Variants in SRD5A2 observed in about 807,000 individuals in gnomAD.
SRD5A2 encodes steroid 5 alpha-reductase 2, also known as 3-oxo-5-alpha-steroid 4-dehydrogenase 2.
In SRD5A2, 30 loss-of-function variants were observed where a neutral mutation model predicts 27.4. The observed-to-expected ratio is 1.10, with a 90% confidence interval of 0.82 to 1.49. The LOEUF (loss-of-function observed/expected upper bound fraction) is 1.49, where lower values mean the gene tolerates loss of function less well. SRD5A2 is among the 40% of genes most tolerant of loss of function. The pLI, the probability that SRD5A2 is intolerant of heterozygous loss-of-function variation, is 0.00. For missense variants in SRD5A2, 348 were observed against 323.4 expected (o/e 1.08, Z -0.58); for synonymous variants, 141 against 133.6 (o/e 1.06, Z -0.38).
rs920583081 is a variant in SRD5A2 at position 31,578,348 on chromosome 2, A to T, written c.281+2272T>A. Among the ~76,000 whole-genome samples, 13 of 68,486 alleles carry T rather than the reference A, an allele frequency of 1.9e-4. No homozygotes were observed. The Admixed American group carries it at 2.2e-3, about 12-fold the overall frequency. The allele number at this position is 68,486 out of a possible 152,430, so 44.9% of individuals were successfully genotyped here. A position where few individuals can be genotyped will look rare whatever the true frequency, so the allele number is the denominator to read the frequency against. On this transcript the variant is annotated intron_variant, in intron 1 of 4. Coordinates refer to ENST00000622030, the MANE Select transcript of SRD5A2 (RefSeq NM_000348.4). ...CAACAGTTTATTATCATACCTGAAG[A>T]GCCTGAGATCTGGAGTCTACTGCCT...
the SRD5A2 span, among the ~76,000 whole-genome samples, chr2:31,616,780 G>A: frequency 6.6e-6 from 1 of 152,180 alleles, no homozygotes; most frequent in Non-Finnish European, 1.5e-5. Flanking sequence ...AGACTTTGGG[G>A]GGCTGTTGGG....
At chr2:31,608,958 A>C in the SRD5A2 span, among the ~76,000 whole-genome samples, 2 of 152,096 alleles carry the variant, frequency 1.3e-5, no homozygotes, top group African/African-American at 4.8e-5. Context: ...TAAGATCATA[A>C]GAGTAGAGCC....
At chr2:31,638,702 TG>T in the SRD5A2 span, among the ~76,000 whole-genome samples, 1 of 152,080 alleles carries the variant, frequency 6.6e-6, no homozygotes, top group Non-Finnish European at 1.5e-5. Context: ...TTATAGTCTC[TG>T]ATTTGTAGTC....
chr2:31,621,788 C>T, the SRD5A2 span, among the ~76,000 whole-genome samples: 1 of 151,936 alleles, frequency 6.6e-6, no homozygotes, highest in Non-Finnish European at 1.5e-5. Context: ...AGGTATATAC[C>T]ACCACCCCTG....
chr2:31,624,520 C>T, the SRD5A2 span, among the ~76,000 whole-genome samples: 7 of 151,990 alleles, frequency 4.6e-5, no homozygotes, highest in African/African-American at 1.5e-4. Context: ...CCTCTCCCCC[C>T]ACCCCACACA....
the SRD5A2 span, among the ~76,000 whole-genome samples, chr2:31,659,142 T>G: frequency 8.5e-5 from 13 of 152,262 alleles, no homozygotes; most frequent in East Asian, 2.3e-3. Flanking sequence ...CACTTCATGT[T>G]GAAAACACTG....
chr2:31,605,339 C>G, the SRD5A2 span, among the ~76,000 whole-genome samples: 1 of 151,768 alleles, frequency 6.6e-6, no homozygotes, highest in African/African-American at 2.4e-5. Flanking sequence ...AGGAAACAAA[C>G]AGCAGAGTGA....
At chr2:31,595,231 G>C in the SRD5A2 span, among the ~76,000 whole-genome samples, 102,082 of 151,948 alleles carry the variant, frequency 0.67, 34,445 homozygotes, top group Middle Eastern at 0.69. Context: ...AAAACTGAAA[G>C]AAAAAATCAA....
At chr2:31,569,010 G>A (rs1231847001) in intron 1 of SRD5A2, among the ~76,000 whole-genome samples, 5 of 152,180 alleles carry the variant, frequency 3.3e-5, no homozygotes, top group Admixed American at 1.3e-4. Flanking sequence ...CAGGGGCAGG[G>A]GCGCTTCCCA....
chr2:31,617,994 A>C, the SRD5A2 span, among the ~76,000 whole-genome samples: 1 of 152,170 alleles, frequency 6.6e-6, no homozygotes, highest in African/African-American at 2.4e-5. Flanking sequence ...GTCTGTTCTC[A>C]TGATACTGAT....
the SRD5A2 span, among the ~76,000 whole-genome samples, chr2:31,636,658 T>C: frequency 6.6e-6 from 1 of 151,986 alleles, no homozygotes; most frequent in African/African-American, 2.4e-5. Flanking sequence ...CCTCTACCCA[T>C]GTTGATGAGG....
At chr2:31,628,739 G>C in the SRD5A2 span, among the ~76,000 whole-genome samples, 2 of 152,122 alleles carry the variant, frequency 1.3e-5, no homozygotes, top group East Asian at 3.9e-4. Flanking sequence ...AGTTTGGCTG[G>C]ATATGACATT....
chr2:31,566,180 T>C (rs1055886197), intron 1 of SRD5A2, among the ~76,000 whole-genome samples: 1 of 152,028 alleles, frequency 6.6e-6, no homozygotes, highest in African/African-American at 2.4e-5. Context: ...TAACAACATG[T>C]CGGAATTTGT....
the SRD5A2 span, among the ~76,000 whole-genome samples, chr2:31,616,788 G>A: frequency 6.6e-6 from 1 of 152,306 alleles, no homozygotes; most frequent in South Asian, 2.1e-4. Context: ...GGGGGCTGTT[G>A]GGAAGGCATG....
At chr2:31,651,175 A>G in the SRD5A2 span, among the ~76,000 whole-genome samples, 2 of 152,212 alleles carry the variant, frequency 1.3e-5, no homozygotes, top group Non-Finnish European at 2.9e-5. Flanking sequence ...CTCTCAGAGA[A>G]AACAGTTCAA....
intron 1 of SRD5A2, among the ~76,000 whole-genome samples, chr2:31,553,215 T>C (rs1558366093): frequency 6.6e-6 from 1 of 152,068 alleles, no homozygotes. Context: ...TTATTTGAAA[T>C]TATCCAGTTA....
the SRD5A2 span, among the ~76,000 whole-genome samples, chr2:31,635,752 G>A: frequency 1.3e-5 from 2 of 152,002 alleles, no homozygotes; most frequent in African/African-American, 4.8e-5. Context: ...AAAGATAGAG[G>A]TGTAGATTTT....
At chr2:31,624,313 A>G in the SRD5A2 span, among the ~76,000 whole-genome samples, 1 of 152,048 alleles carries the variant, frequency 6.6e-6, no homozygotes, top group South Asian at 2.1e-4. Flanking sequence ...GCTAGCAAAT[A>G]CTAGGTTTTA....
chr2:31,588,355 G>C, the SRD5A2 span, among the ~76,000 whole-genome samples: 1 of 152,040 alleles, frequency 6.6e-6, no homozygotes, highest in Admixed American at 6.6e-5. Flanking sequence ...GATAAAGAAA[G>C]AATCCTAAAA....
Sources: allele counts gnomAD v4.1 joint callset (sites outside exome capture counted in the v4.1 genomes callset), GRCh38; gene constraint gnomAD v4.1.1; transcripts MANE v1.5; gene names NCBI Gene and HGNC (gene_info 2026-07-23, HGNC 2026-07-21).